DPY19L2: variants seen among roughly 807,000 people sequenced by gnomAD.
DPY19L2 encodes dpy-19 like 2.
In DPY19L2, 34 loss-of-function variants were observed where a neutral mutation model predicts 97.9. The observed-to-expected ratio is 0.35, with a 90% confidence interval of 0.26 to 0.46. The LOEUF is 0.46. DPY19L2 is among the 20% of genes least tolerant of loss of function. DPY19L2 has a pLI of 1.00. For missense variants in DPY19L2, 623 were observed against 911.4 expected (o/e 0.68, Z 4.07); for synonymous variants, 230 against 307.9 (o/e 0.75, Z 2.65).
At chr12:63,565,639 G>C (rs527415152) in intron 21 of DPY19L2, among the ~76,000 whole-genome samples, 3 of 152,190 alleles carry the variant, frequency 2.0e-5, no homozygotes, top group African/African-American at 7.2e-5. Context: ...ATCGTGGGGG[G>C]CTCATTATTC....
chr12:63,668,691 C>A (rs1287758716), upstream of DPY19L2: 2 of 391,008 alleles, frequency 5.1e-6, no homozygotes, highest in East Asian at 5.6e-5. Context: ...CACAGCCCCC[C>A]ACACCCTCCC....
Position 63,597,926 on chromosome 12 carries a change from G to A in DPY19L2, c.1360-16C>T, listed in dbSNP as rs1884516214. On this transcript the variant is annotated splice_polypyrimidine_tract_variant and intron_variant, in intron 13 of 21. Coordinates refer to ENST00000324472, the MANE Select transcript of DPY19L2 (RefSeq NM_173812.5). Reference sequence around the variant, plus strand: ...TCAGGCGAATCTGGGAGAAAATAAAGTAAAATGAATTAAAATTACACAAGT... The same window carrying A: ...TCAGGCGAATCTGGGAGAAAATAAAATAAAATGAATTAAAATTACACAAGT... 1.3e-6 allele frequency: 2 copies of A among 1,551,168 alleles called. No individual in the cohort carries two copies. The highest frequency in any genetic ancestry group is 1.8e-6 in the Non-Finnish European group (2 of 1,140,710).
At chr12:63,645,734 C>G (rs1194944547) in intron 5 of DPY19L2, among the ~76,000 whole-genome samples, 3 of 152,174 alleles carry the variant, frequency 2.0e-5, no homozygotes, top group African/African-American at 4.8e-5. Flanking sequence ...CTTCCAAATT[C>G]TCTCTCATAC....
intron 6 of DPY19L2, among the ~76,000 whole-genome samples, chr12:63,641,588 T>C (rs1202527575): frequency 1.3e-5 from 2 of 152,118 alleles, no homozygotes; most frequent in Non-Finnish European, 2.9e-5. Flanking sequence ...CCTGGATTCA[T>C]TCATTCAAAA....
intron 11 of DPY19L2, among the ~76,000 whole-genome samples, chr12:63,612,976 G>A (rs565684800): frequency 3.3e-5 from 5 of 151,960 alleles, no homozygotes; most frequent in East Asian, 1.9e-4. Flanking sequence ...TGGATAACAC[G>A]AATAGCCTTA....
chr12:63,606,645 TTTGTGTGTAAGGAATG>T, intron 12 of DPY19L2, among the ~76,000 whole-genome samples: 1 of 152,254 alleles, frequency 6.6e-6, no homozygotes, highest in South Asian at 2.1e-4. Context: ...CTTTTACACT[TTTGTGTGTAAGGAATG>T]TTTTTAATCT....
chr12:63,640,451 G>C (rs996181648), intron 6 of DPY19L2, among the ~76,000 whole-genome samples: 18 of 152,152 alleles, frequency 1.2e-4, no homozygotes, highest in African/African-American at 4.3e-4. Context: ...TTTTATACTT[G>C]AACAAATCAT....
intron 4 of DPY19L2, among the ~76,000 whole-genome samples, chr12:63,651,049 A>C (rs1422534269): frequency 6.6e-6 from 1 of 152,136 alleles, no homozygotes; most frequent in Non-Finnish European, 1.5e-5. Flanking sequence ...CTAGCACAAA[A>C]ACACACACAT....
intron 14 of DPY19L2, among the ~76,000 whole-genome samples, chr12:63,596,486 GCTAA>G (rs1198096298): frequency 6.6e-6 from 1 of 152,054 alleles, no homozygotes; most frequent in Non-Finnish European, 1.5e-5. Flanking sequence ...AATAACATTG[GCTAA>G]CTAATTCTGA....
At chr12:63,615,810 T>C (rs1402634779) in intron 11 of DPY19L2, among the ~76,000 whole-genome samples, 1 of 152,020 alleles carries the variant, frequency 6.6e-6, no homozygotes. Context: ...ATTTAGAGAG[T>C]TATAATTTTG....
chr12:63,642,446 ATT>A (rs745653706), intron 6 of DPY19L2, among the ~76,000 whole-genome samples: 1 of 152,022 alleles, frequency 6.6e-6, no homozygotes, highest in Non-Finnish European at 1.5e-5. Flanking sequence ...CATTTTATAA[ATT>A]TGTCTTTCAT....
chr12:63,627,040 G>A (rs1889676959), intron 6 of DPY19L2, among the ~76,000 whole-genome samples: 1 of 152,150 alleles, frequency 6.6e-6, no homozygotes, highest in South Asian at 2.1e-4. Flanking sequence ...GCCTCCCAAA[G>A]TGCTGAGATT....
At chr12:63,632,564 T>G (rs570627567) in intron 6 of DPY19L2, among the ~76,000 whole-genome samples, 7 of 151,934 alleles carry the variant, frequency 4.6e-5, no homozygotes, top group Admixed American at 2.6e-4. Context: ...TGAAATAAAA[T>G]AGGATACAAA....
intron 6 of DPY19L2, among the ~76,000 whole-genome samples, chr12:63,631,111 A>T (rs1226479310): frequency 6.6e-6 from 1 of 152,158 alleles, no homozygotes; most frequent in Non-Finnish European, 1.5e-5. Context: ...CACAAGAGAA[A>T]GCAGGACAGA....
intron 6 of DPY19L2, among the ~76,000 whole-genome samples, chr12:63,630,659 G>A (rs565400249): frequency 2.0e-5 from 3 of 151,842 alleles, no homozygotes; most frequent in East Asian, 1.9e-4. Flanking sequence ...ACAGATCCCC[G>A]AGACAGAAAG....
rs1565872485 is a variant in DPY19L2 at position 63,668,404 on chromosome 12, T to C, written c.-11A>G. 2 of 1,594,446 alleles carry C rather than the reference T, an allele frequency of 1.3e-6. No individual in the cohort carries two copies. The highest frequency in any genetic ancestry group is 2.3e-5 in the South Asian group (2 of 88,470). ...TCCTTGTTTTCTCATAATCAAGGAG[T>C]ATGGTGGAGCTGGGTCAATTTCAGG... On this transcript the variant is annotated 5_prime_UTR_variant, in exon 1 of 22. The change creates a new upstream start codon in the 5' untranslated region. Transcript: ENST00000324472.
chr12:63,565,937 G>A (rs1207651930), intron 21 of DPY19L2, among the ~76,000 whole-genome samples: 1 of 152,070 alleles, frequency 6.6e-6, no homozygotes, highest in African/African-American at 2.4e-5. Flanking sequence ...ATAAAACATA[G>A]TCATTTCTAG....
chr12:63,639,808 C>G (rs1215524015), intron 6 of DPY19L2, among the ~76,000 whole-genome samples: 1 of 152,134 alleles, frequency 6.6e-6, no homozygotes, highest in African/African-American at 2.4e-5. Flanking sequence ...CCTCAAAGAT[C>G]TAGAACTAGA....
At chr12:63,606,843 C>A (rs1451010864) in intron 12 of DPY19L2, among the ~76,000 whole-genome samples, 1 of 152,110 alleles carries the variant, frequency 6.6e-6, no homozygotes, top group East Asian at 1.9e-4. Flanking sequence ...TTGTAAATTT[C>A]AGCATGAGCT....
Sources: allele counts gnomAD v4.1 joint callset (sites outside exome capture counted in the v4.1 genomes callset), GRCh38; gene constraint gnomAD v4.1.1; transcripts MANE v1.5; gene names NCBI Gene and HGNC (gene_info 2026-07-23, HGNC 2026-07-21).